Variants in GABRB3 observed in about 807,000 individuals in gnomAD.
GABRB3 encodes the protein gamma-aminobutyric acid type A receptor subunit beta3, also known as gamma-aminobutyric acid receptor subunit beta-3.
In GABRB3, 14 loss-of-function variants were observed where a neutral mutation model predicts 52.1. The ratio of observed to expected loss-of-function variants is 0.27; its 90% CI spans 0.18 to 0.42. The LOEUF is 0.42. Among genes scored for constraint, GABRB3 ranks in the 10% least tolerant of loss-of-function variants. GABRB3 has a pLI of 1.00. For missense variants in GABRB3, 307 were observed against 609.1 expected (o/e 0.50, Z 5.22); for synonymous variants, 260 against 232.3 (o/e 1.12, Z -1.08).
In GABRB3 at chr15:26,618,025, G is replaced by C. The variant is rs1473893108; in HGVS notation, c.461+3289C>G. 3.3e-5 allele frequency among the ~76,000 whole-genome samples: 5 copies of C among 152,112 alleles called. No homozygotes were observed. The East Asian group carries it at 5.8e-4, about 18-fold the overall frequency. On this transcript the variant is annotated intron_variant, in intron 4 of 8. Transcript: ENST00000311550. Reference sequence around the variant, plus strand: ...TCAATGAAATAAAAGAGGATACAAAGAAATGGAAGAACATTCCATGCTCAT... The same window carrying C: ...TCAATGAAATAAAAGAGGATACAAACAAATGGAAGAACATTCCATGCTCAT...
chr15:26,693,341 G>A (rs1863464), intron 3 of GABRB3, among the ~76,000 whole-genome samples: 25,173 of 152,148 alleles, frequency 0.17, 2,325 homozygotes, highest in Middle Eastern at 0.26. Flanking sequence ...GTCTCTAAAC[G>A]TTTCCAGAAA....
At chr15:26,659,974 G>A (rs539999900) in intron 3 of GABRB3, among the ~76,000 whole-genome samples, 6 of 152,230 alleles carry the variant, frequency 3.9e-5, no homozygotes, top group East Asian at 1.9e-4. Context: ...GTTCACACCC[G>A]CAATCCCAGA....
At chr15:26,640,492 G>A (rs1893172265) in intron 3 of GABRB3, among the ~76,000 whole-genome samples, 2 of 152,118 alleles carry the variant, frequency 1.3e-5, no homozygotes, top group Non-Finnish European at 2.9e-5. Context: ...ACTCCAGCCT[G>A]GGCGACAGAG....
chr15:26,733,110 T>C (rs915412268), intron 3 of GABRB3, among the ~76,000 whole-genome samples: 1 of 152,210 alleles, frequency 6.6e-6, no homozygotes, highest in African/African-American at 2.4e-5. Flanking sequence ...AGGCCTGCTG[T>C]TTCCTCTTCT....
rs1316976738 is a variant in GABRB3 at position 26,548,098 on chromosome 15, C to T, written c.1117G>A (p.Glu373Lys). ...AHGNILLTSL[E>K]VHNEMNEVSG... ...ACCTCATTCATTTCATTGTGAACTT[C>T]CAGCGATGTCAACAGAATATTTCCA... Residue 373 changes from glutamate (E) to lysine (K), a missense_variant, in exon 9 of 9, where the codon GAA becomes AAA. Physicochemically the swap from Glu to Lys is moderately conservative, Grantham distance 56 (BLOSUM62 1). This residue lies in a region of GABRB3 where 115 missense variants were observed against 166.9 expected (regional missense o/e 0.69). Transcript: ENST00000311550. 35 of 1,614,074 alleles carry T rather than the reference C, an allele frequency of 2.2e-5. No individual in the cohort carries two copies. The highest frequency in any genetic ancestry group is 2.9e-5 in the Non-Finnish European group (34 of 1,180,034).
chr15:26,593,666 T>C (rs938230702), intron 4 of GABRB3, among the ~76,000 whole-genome samples: 1 of 152,148 alleles, frequency 6.6e-6, no homozygotes, highest in Non-Finnish European at 1.5e-5. Context: ...ATTTTAAAAC[T>C]GAAAAAATTC....
chr15:26,573,102 T>C (rs1595450596), intron 6 of GABRB3, among the ~76,000 whole-genome samples: 1 of 152,330 alleles, frequency 6.6e-6, no homozygotes. Context: ...TAAGCTGGTA[T>C]TTCAGCAAAT....
At chr15:26,558,565 T>C (rs1889844447) in intron 8 of GABRB3, among the ~76,000 whole-genome samples, 1 of 152,130 alleles carries the variant, frequency 6.6e-6, no homozygotes, top group Non-Finnish European at 1.5e-5. Context: ...AGGTGGGGCC[T>C]GGTGGGAGGT....
intron 4 of GABRB3, among the ~76,000 whole-genome samples, chr15:26,605,393 C>T (rs908132301): frequency 6.6e-6 from 1 of 152,026 alleles, no homozygotes. Context: ...CTATATGATC[C>T]AGGAATCCCA....
chr15:26,685,377 C>T (rs1595529571), intron 3 of GABRB3, among the ~76,000 whole-genome samples: 1 of 152,092 alleles, frequency 6.6e-6, no homozygotes, highest in East Asian at 1.9e-4. Flanking sequence ...AATGGAGGCA[C>T]GAATGGCTGA....
chr15:26,771,789 G>A (rs1035797166), intron 3 of GABRB3: 2 of 152,266 alleles, frequency 1.3e-5, no homozygotes, highest in African/African-American at 2.4e-5. Context: ...CCGCCTAGGC[G>A]CGGCCTCCCG....
intron 3 of GABRB3, among the ~76,000 whole-genome samples, chr15:26,633,360 T>C (rs1265138776): frequency 1.3e-5 from 2 of 152,136 alleles, no homozygotes; most frequent in Non-Finnish European, 2.9e-5. Flanking sequence ...CTTCCAGTGC[T>C]CCAGGGCTCA....
At chr15:26,636,216 G>A (rs963210333) in intron 3 of GABRB3, among the ~76,000 whole-genome samples, 3 of 152,260 alleles carry the variant, frequency 2.0e-5, no homozygotes, top group South Asian at 2.1e-4. Flanking sequence ...TTTGAACAAA[G>A]GACCTTGTAC....
intron 4 of GABRB3, among the ~76,000 whole-genome samples, chr15:26,617,604 C>A (rs1484256199): frequency 6.6e-6 from 1 of 151,784 alleles, no homozygotes; most frequent in Non-Finnish European, 1.5e-5. Flanking sequence ...AAAACTGGCA[C>A]AAGACAGGGA....
chr15:26,596,017 C>T (rs2140769482), intron 4 of GABRB3, among the ~76,000 whole-genome samples: 1 of 152,268 alleles, frequency 6.6e-6, no homozygotes, highest in Admixed American at 6.5e-5. Context: ...TTGTCAGCCT[C>T]TTTCTTTAGC....
intron 3 of GABRB3, among the ~76,000 whole-genome samples, chr15:26,638,336 C>T (rs891058094): frequency 6.6e-6 from 1 of 152,180 alleles, no homozygotes; most frequent in African/African-American, 2.4e-5. Context: ...CTCCTCTTGC[C>T]TTTTTACTTT....
chr15:26,562,443 C>T (rs923726708), intron 7 of GABRB3, among the ~76,000 whole-genome samples: 1 of 152,166 alleles, frequency 6.6e-6, no homozygotes, highest in Non-Finnish European at 1.5e-5. Context: ...GAGAGCTTAA[C>T]CATAATCCTT....
chr15:26,691,218 C>T (rs2140664491), intron 3 of GABRB3, among the ~76,000 whole-genome samples: 1 of 152,162 alleles, frequency 6.6e-6, no homozygotes, highest in East Asian at 1.9e-4. Context: ...TGTTTTTTCC[C>T]TCTTTTCCCC....
At chr15:26,683,716 G>C (rs1420603096) in intron 3 of GABRB3, among the ~76,000 whole-genome samples, 2 of 152,118 alleles carry the variant, frequency 1.3e-5, no homozygotes, top group African/African-American at 4.8e-5. Context: ...ATGCTCCTAG[G>C]GGGCAGGGTC....
Sources: gnomAD v4.1 joint callset for allele counts (sites outside exome capture counted in the v4.1 genomes callset) on GRCh38, gnomAD v4.1.1 for gene constraint, gnomAD v4.1.1 regional missense constraint, MANE v1.5 for transcripts, NCBI Gene and HGNC (gene_info 2026-07-23, HGNC 2026-07-21) for gene names.